The following CTNNA3 variants were observed in gnomAD, a reference collection of about 807,000 sequenced individuals.
CTNNA3 encodes the protein catenin alpha 3, also known as catenin alpha-3.
In CTNNA3, 76 loss-of-function variants were observed where a neutral mutation model predicts 95.7. The observed-to-expected ratio is 0.79, with a 90% CI of 0.66 to 0.96. CTNNA3 has a LOEUF of 0.96. Ranked by LOEUF, CTNNA3 falls within the 40% of genes least tolerant of loss-of-function variation. The pLI is 0.00. For synonymous variants in CTNNA3, 431 were observed against 374.4 expected, an observed-to-expected ratio of 1.15 and a Z score of -1.74; for missense variants, 1,191 against 1,089.8, an observed-to-expected ratio of 1.09 and a Z score of -1.31.
chr10:67,552,986 T>G (rs1399049958), intron 3 of CTNNA3, among the ~76,000 whole-genome samples: 3 of 152,150 alleles, frequency 2.0e-5, no homozygotes, highest in African/African-American at 7.2e-5. Context: ...TTAACCCCGT[T>G]TTTTTACCAC....
chr10:67,187,251 T>A (rs1431786012), intron 6 of CTNNA3, among the ~76,000 whole-genome samples: 1 of 152,134 alleles, frequency 6.6e-6, no homozygotes, highest in East Asian at 1.9e-4. Flanking sequence ...ACCAACCATT[T>A]TGTGGGGTAT....
chr10:67,118,428 T>G (rs907255848), intron 7 of CTNNA3, among the ~76,000 whole-genome samples: 1 of 151,964 alleles, frequency 6.6e-6, no homozygotes, highest in Non-Finnish European at 1.5e-5. Flanking sequence ...CACTTCTGCT[T>G]TGCTCTGTTC....
intron 11 of CTNNA3, among the ~76,000 whole-genome samples, chr10:66,506,127 G>T (rs1039490806): frequency 1.3e-5 from 2 of 152,068 alleles, no homozygotes; most frequent in African/African-American, 2.4e-5. Context: ...CAAATAACCT[G>T]CCCTTGCAGG....
At position 66,280,583 on chromosome 10, in the gene CTNNA3, C is replaced by T. The variant is rs769809500; in HGVS notation, c.1771G>A (p.Glu591Lys). 9.3e-6 allele frequency: 15 copies of T among 1,607,976 alleles called. No homozygotes were observed. Among genetic ancestry groups the T allele is most frequent in the Non-Finnish European group, 1.1e-5 (13 of 1,177,414 alleles). ...EFVTQVNVALEALSKSSLNVL... is the reference protein window; with the variant it reads ...EFVTQVNVALKALSKSSLNVL... ...TTCAATGAGCTTTTGCTTAAGGCTT[C>T]CAAGGCAACATTCACTTGTGTTACA... Residue 591 changes from glutamate (E) to lysine (K), a missense_variant, in exon 13 of 18, where the codon GAA (glutamate) becomes AAA (lysine). Transcript: ENST00000433211.
intron 3 of CTNNA3, among the ~76,000 whole-genome samples, chr10:67,569,481 T>C (rs1380167312): frequency 6.6e-6 from 1 of 152,148 alleles, no homozygotes; most frequent in Non-Finnish European, 1.5e-5. Context: ...GATTTGTAAG[T>C]AATGAGTCCT....
chr10:66,679,147 A>G (rs1046616263), intron 9 of CTNNA3, among the ~76,000 whole-genome samples: 2 of 152,180 alleles, frequency 1.3e-5, no homozygotes, highest in African/African-American at 4.8e-5. Flanking sequence ...TTCATCTAAT[A>G]ATTCAAATGA....
intron 5 of CTNNA3, among the ~76,000 whole-genome samples, chr10:67,384,793 C>CT: frequency 6.6e-6 from 1 of 152,116 alleles, no homozygotes; most frequent in East Asian, 1.9e-4. Context: ...AATTAGGCAG[C>CT]TGCTACATAT....
At chr10:66,807,503 T>C (rs1466721814) in intron 7 of CTNNA3, among the ~76,000 whole-genome samples, 1 of 152,110 alleles carries the variant, frequency 6.6e-6, no homozygotes, top group East Asian at 1.9e-4. Flanking sequence ...TCCTCTTCGT[T>C]TGTTGCAAGT....
intron 9 of CTNNA3, among the ~76,000 whole-genome samples, chr10:66,717,027 G>C (rs1008281157): frequency 6.9e-6 from 1 of 145,378 alleles, no homozygotes; most frequent in African/African-American, 2.6e-5. Context: ...AAAAGCAAAA[G>C]ATAAAAACAG....
intron 5 of CTNNA3, among the ~76,000 whole-genome samples, chr10:67,328,888 T>A (rs752459565): frequency 4.6e-5 from 7 of 152,214 alleles, no homozygotes; most frequent in Non-Finnish European, 8.8e-5. Flanking sequence ...TATTTGGTTT[T>A]GAAACTTTTT....
In CTNNA3 at chr10:67,132,107, C is replaced by T. The variant is rs576873916; in HGVS notation, c.1047+48210G>A. Among the ~76,000 whole-genome samples the T allele has an allele frequency of 2.0e-5, 3 of 152,036 alleles. No homozygotes were observed. The East Asian group carries it at 5.8e-4, about 29-fold the overall frequency. ...TGTGAATAGACAGACAAGGATAGAG[C>T]AAAATTAAGACAATAGGTCTGATAG... On this transcript the variant is annotated intron_variant, in intron 7 of 17. Coordinates refer to ENST00000433211, the MANE Select transcript of CTNNA3 (RefSeq NM_013266.4).
At position 67,364,956 on chromosome 10, in the gene CTNNA3, A is replaced by G. The variant is rs558439179; in HGVS notation, c.580-145086T>C. Reference sequence around the variant, plus strand: ...AAAAGAACAAAGTTGGAGGCATCACACTACCTGACATCAAACTATACTACA... The same window carrying G: ...AAAAGAACAAAGTTGGAGGCATCACGCTACCTGACATCAAACTATACTACA... On this transcript the variant is annotated intron_variant, in intron 5 of 17. Coordinates refer to ENST00000433211, the MANE Select transcript of CTNNA3 (RefSeq NM_013266.4). Among the ~76,000 whole-genome samples, 26 of 152,238 alleles carry G rather than the reference A, an allele frequency of 1.7e-4. No individual in the cohort carries two copies. The East Asian group carries it at 4.8e-3, about 28-fold the overall frequency.
intron 10 of CTNNA3, among the ~76,000 whole-genome samples, chr10:66,595,625 C>A (rs925668084): frequency 1.3e-5 from 2 of 152,006 alleles, no homozygotes; most frequent in African/African-American, 4.8e-5. Flanking sequence ...GCGTCAGCCA[C>A]CGCACCCAGC....
chr10:66,218,332 A>C (rs531633811), intron 13 of CTNNA3, among the ~76,000 whole-genome samples: 1 of 151,888 alleles, frequency 6.6e-6, no homozygotes, highest in East Asian at 1.9e-4. Context: ...TGTGGTCAAT[A>C]GTTTAAAACA....
At chr10:66,829,952 G>A (rs1483003432) in intron 7 of CTNNA3, among the ~76,000 whole-genome samples, 1 of 151,760 alleles carries the variant, frequency 6.6e-6, no homozygotes, top group Non-Finnish European at 1.5e-5. Flanking sequence ...TGCAAGCTCC[G>A]CCTCCCGGGT....
intron 10 of CTNNA3, among the ~76,000 whole-genome samples, chr10:66,547,308 T>C (rs1402683871): frequency 1.3e-5 from 2 of 151,114 alleles, no homozygotes; most frequent in Non-Finnish European, 2.9e-5. Context: ...TTTAAATGAG[T>C]ATATAACTTA....
intron 7 of CTNNA3, among the ~76,000 whole-genome samples, chr10:66,924,487 TA>T (rs1341245445): frequency 6.6e-6 from 1 of 152,206 alleles, no homozygotes; most frequent in Non-Finnish European, 1.5e-5. Context: ...CGAACATTAT[TA>T]GTCATGATCC....
chr10:66,088,523 G>GTC (rs2081077630), intron 14 of CTNNA3, among the ~76,000 whole-genome samples: 1 of 140,470 alleles, frequency 7.1e-6, no homozygotes, highest in Admixed American at 7.5e-5. Context: ...GTGTGTGTGT[G>GTC]TGTGTGTGTA....
chr10:66,739,975 G>A lies in CTNNA3; in HGVS notation c.1281+26289C>T, dbSNP rs147194281. On this transcript the variant is annotated intron_variant, in intron 9 of 17. Coordinates refer to ENST00000433211, the MANE Select transcript of CTNNA3 (RefSeq NM_013266.4). ...GCCCTCCTGAGACAACATTAAGCAC[G>A]TGCAAGATAACGTGGGAATGGAGTA... Among the ~76,000 whole-genome samples, 18 of 152,284 alleles carry A rather than the reference G, an allele frequency of 1.2e-4. No homozygotes were observed. The East Asian group carries it at 3.1e-3, about 26-fold the overall frequency.
Sources: allele counts gnomAD v4.1 joint callset (sites outside exome capture counted in the v4.1 genomes callset), GRCh38; gene constraint gnomAD v4.1.1; transcripts MANE v1.5; gene names NCBI Gene and HGNC (gene_info 2026-07-23, HGNC 2026-07-21).